The following ALG9 variants were observed in gnomAD, a reference collection of about 807,000 sequenced individuals.
ALG9 encodes alpha-1,2-mannosyltransferase ALG9.
In ALG9, 55 loss-of-function variants were observed where a neutral mutation model predicts 81.8. The observed-to-expected ratio is 0.67, with a 90% confidence interval of 0.54 to 0.84. ALG9 has a LOEUF of 0.84. ALG9 is among the 40% of genes least tolerant of loss of function. The pLI is 0.00. For missense variants in ALG9, 629 were observed against 745.0 expected (o/e 0.84, Z 1.81); for synonymous variants, 278 against 274.3 (o/e 1.01, Z -0.13).
downstream of ALG9, among the ~76,000 whole-genome samples, chr11:111,777,756 A>G (rs1945738742): frequency 6.6e-6 from 1 of 152,306 alleles, no homozygotes; most frequent in African/African-American, 2.4e-5. Flanking sequence ...ACCTCCACAA[A>G]TATTTCACTG....
chr11:111,839,477 C>T (rs539553691), intron 10 of ALG9, among the ~76,000 whole-genome samples: 1 of 149,680 alleles, frequency 6.7e-6, no homozygotes, highest in South Asian at 2.1e-4. Context: ...CCCAGCTACC[C>T]GGGGGACTGA....
At chr11:111,862,687 T>G (rs965901799) in intron 4 of ALG9, among the ~76,000 whole-genome samples, 52 of 150,352 alleles carry the variant, frequency 3.5e-4, no homozygotes, top group African/African-American at 1.2e-3. Flanking sequence ...GTCTTAAATA[T>G]AAATATTATA....
chr11:111,869,397 T>C (rs1403908945), intron 2 of ALG9, among the ~76,000 whole-genome samples: 3 of 151,954 alleles, frequency 2.0e-5, no homozygotes, highest in African/African-American at 4.8e-5. Context: ...AATCAATAAA[T>C]AGCAATAAAA....
chr11:111,847,049 A>T (rs1329254130), intron 8 of ALG9, among the ~76,000 whole-genome samples: 4 of 152,164 alleles, frequency 2.6e-5, no homozygotes, highest in African/African-American at 9.6e-5. Context: ...GATAATGTTT[A>T]CTGCTCCATA....
rs533210063 is a variant in ALG9, at chr11:111,787,346, T to C, written c.1734-826A>G. On this transcript the variant is annotated intron_variant, in intron 14 of 14. Coordinates refer to ENST00000616540, the MANE Select transcript of ALG9 (RefSeq NM_024740.2). ...TACTTGGGAGGCTGAGACAGGAGAA[T>C]TGCTTGAACCCGGGAGGTGGAAGTT... Among the ~76,000 whole-genome samples the C allele has an allele frequency of 4.1e-4, 62 of 152,012 alleles. 1 individual carries two copies. The South Asian group carries it at 0.013, about 31-fold the overall frequency.
rs1946353720 is a variant in ALG9 at position 111,785,349 on chromosome 11, A to G, written c.*1048T>C. The G allele has an allele frequency of 6.6e-6, 1 of 152,292 alleles. No homozygotes were observed. Among genetic ancestry groups the G allele is most frequent in the Non-Finnish European group, 1.5e-5 (1 of 68,068 alleles). The allele number at this position is 152,292 out of a possible 1,614,324, so 9.4% of individuals were successfully genotyped here. ...AAGTACTGACTGTAAAGGCTTTTAA[A>G]GTAATAGTATACACTTATCACATTT... On this transcript the variant is annotated 3_prime_UTR_variant, in exon 15 of 15. Coordinates refer to ENST00000616540, the MANE Select transcript of ALG9 (RefSeq NM_024740.2).
rs782080124 is a variant in ALG9, at chr11:111,786,401, C to T, written c.1853G>A (p.Gly618Asp). 6.2e-7 allele frequency: 1 copy of T among 1,614,014 alleles called. No homozygotes were observed. The highest frequency in any genetic ancestry group is 8.5e-7 in the Non-Finnish European group (1 of 1,179,960). Residue 618 changes from glycine to aspartate, a missense_variant, in exon 15 of 15, where the codon GGT becomes GAT. Coordinates refer to ENST00000616540, the MANE Select transcript of ALG9 (RefSeq NM_024740.2). ...TTTGGGGCCACAGGTGTGTTGCTAA[C>T]CTCCACTTTTCTTCCTGATTTGCTT... ...KAKQIRKKSG[G>D]
At chr11:111,792,660 G>A (rs1396618508) in intron 14 of ALG9, among the ~76,000 whole-genome samples, 1 of 152,124 alleles carries the variant, frequency 6.6e-6, no homozygotes, top group East Asian at 1.9e-4. Flanking sequence ...AAGAAATTCA[G>A]CATCAAATTC....
chr11:111,834,471 T>C (rs1242381499), intron 13 of ALG9, among the ~76,000 whole-genome samples: 1 of 152,208 alleles, frequency 6.6e-6, no homozygotes, highest in African/African-American at 2.4e-5. Context: ...ATAAGAACAT[T>C]GCATTTTTGC....
chr11:111,846,156 C>T (rs564126747), intron 8 of ALG9, among the ~76,000 whole-genome samples: 77 of 152,306 alleles, frequency 5.1e-4, no homozygotes, highest in African/African-American at 1.8e-3. Flanking sequence ...ATTTTTTAAA[C>T]TGAGTCCTTT....
At chr11:111,807,465 A>G (rs1192565042) in intron 14 of ALG9, among the ~76,000 whole-genome samples, 1 of 152,150 alleles carries the variant, frequency 6.6e-6, no homozygotes, top group Non-Finnish European at 1.5e-5. Flanking sequence ...ACCCTAGCTC[A>G]AAGTGTAACC....
At chr11:111,853,525 C>T in intron 7 of ALG9, 40 bp from the exon 8 acceptor site, 1 of 1,583,922 alleles carries the variant, frequency 6.3e-7, no homozygotes, top group Non-Finnish European at 8.7e-7. Context: ...TAGAAACATT[C>T]TCAAAATGCT....
chr11:111,795,693 C>A (rs545121566), intron 14 of ALG9, among the ~76,000 whole-genome samples: 2 of 152,312 alleles, frequency 1.3e-5, no homozygotes, highest in African/African-American at 4.8e-5. Context: ...AAACTGGAAT[C>A]GTGGCATCGT....
rs995442728 is a variant in ALG9 at position 111,815,628 on chromosome 11, C to T, written c.1603-5855G>A. The stretch of plus-strand genomic sequence containing the variant: ...ATTAGAAAAGGAGTTCAAAGTCAGC[C>T]GGCCTAGATTCAGGCCTGGGTTCTA... On this transcript the variant is annotated intron_variant, in intron 13 of 14. Coordinates refer to ENST00000616540, the MANE Select transcript of ALG9 (RefSeq NM_024740.2). 3.3e-5 allele frequency among the ~76,000 whole-genome samples: 5 copies of T among 152,150 alleles called. No individual in the cohort carries two copies. The East Asian group carries it at 9.6e-4, about 29-fold the overall frequency.
chr11:111,794,075 AAT>A (rs1169717047), intron 14 of ALG9, among the ~76,000 whole-genome samples: 1 of 152,234 alleles, frequency 6.6e-6, no homozygotes, highest in African/African-American at 2.4e-5. Context: ...TGCACAGCAT[AAT>A]TAGCTCACGG....
At chr11:111,816,086 C>T (rs1216664004) in intron 13 of ALG9, among the ~76,000 whole-genome samples, 1 of 152,166 alleles carries the variant, frequency 6.6e-6, no homozygotes, top group Non-Finnish European at 1.5e-5. Context: ...CTTCTTGCCT[C>T]TTCACAATTT....
intron 9 of ALG9, among the ~76,000 whole-genome samples, chr11:111,841,950 G>A (rs1555124369): frequency 1.3e-5 from 2 of 152,110 alleles, no homozygotes; most frequent in African/African-American, 4.8e-5. Context: ...AAGCTGAAGT[G>A]CAGTGGCACA....
rs141858227 is a variant in ALG9 at position 111,787,419 on chromosome 11, C to G, written c.1734-899G>C. ...CTGCACTCCAGCATGGGTGACAGAG[C>G]GAGACCCTATCTCAATAAAAATAAA... On this transcript the variant is annotated intron_variant, in intron 14 of 14. Coordinates refer to ENST00000616540, the MANE Select transcript of ALG9 (RefSeq NM_024740.2). 2.6e-3 allele frequency among the ~76,000 whole-genome samples: 391 copies of G among 152,036 alleles called. 3 individuals carry two copies. Among genetic ancestry groups the G allele is most frequent in the African/African-American group, 9.0e-3 (374 of 41,496 alleles).
At chr11:111,850,120 A>C (rs1379060417) in intron 8 of ALG9, among the ~76,000 whole-genome samples, 1 of 152,196 alleles carries the variant, frequency 6.6e-6, no homozygotes, top group Non-Finnish European at 1.5e-5. Flanking sequence ...GACAATCATG[A>C]AGTACTTTTT....
Sources: allele counts gnomAD v4.1 joint callset (sites outside exome capture counted in the v4.1 genomes callset), GRCh38; gene constraint gnomAD v4.1.1; transcripts MANE v1.5; gene names NCBI Gene and HGNC (gene_info 2026-07-23, HGNC 2026-07-21).